The following TMEM185A variants were observed in gnomAD, a reference collection of about 807,000 sequenced individuals.
The protein encoded by TMEM185A is family with sequence similarity 11, member A.
TMEM185A carries 9 observed loss-of-function variants against 25.0 expected under a neutral mutation model. That is an observed-to-expected ratio of 0.36 (90% confidence interval 0.22 to 0.63). The LOEUF is 0.63. TMEM185A is among the 20% of genes least tolerant of loss of function. The pLI, the probability that TMEM185A is intolerant of heterozygous loss-of-function variation, is 0.68. For missense variants in TMEM185A, 103 were observed against 237.4 expected (o/e 0.43, Z 3.72); for synonymous variants, 45 against 93.5 (o/e 0.48, Z 2.99).
chrX:149,631,718 T>C lies in TMEM185A; in HGVS notation c.-138A>G, dbSNP rs868960199. On this transcript the variant is annotated 5_prime_UTR_variant, in exon 1 of 7. Coordinates refer to ENST00000600449, the MANE Select transcript of TMEM185A (RefSeq NM_032508.4). ...CTCCCGCTACTGCTGCCGTCCCCGC[T>C]GCCGTCGCCGTCGCCGTCGCCGCCG... 91 of 593,330 alleles carry C rather than the reference T, an allele frequency of 1.5e-4. 1 individual carries two copies. The highest frequency in any genetic ancestry group is 7.6e-4 in the East Asian group (14 of 18,325). 48.9% of individuals were successfully genotyped at this position (593,330 alleles called of 1,213,427 possible).
rs868970746 is a variant in TMEM185A at position 149,605,313 on chromosome X, G to A, written c.424-1243C>T. The A allele has an allele frequency of 6.1e-3, 414 of 67,424 alleles. 13 individuals carry two copies. Among genetic ancestry groups the A allele is most frequent in the African/African-American group, 0.032 (380 of 12,006 alleles). 5.6% of individuals were successfully genotyped at this position (67,424 alleles called of 1,213,427 possible). On this transcript the variant is annotated intron_variant, in intron 3 of 6. Coordinates refer to ENST00000600449, the MANE Select transcript of TMEM185A (RefSeq NM_032508.4). Reference sequence around the variant, plus strand: ...TTTCTATGGCCTCCCATGTCACTATGGCCTCCCATGTCACTTTCTATGGCC... The same window carrying A: ...TTTCTATGGCCTCCCATGTCACTATAGCCTCCCATGTCACTTTCTATGGCC...
intron 1 of TMEM185A, among the ~76,000 whole-genome samples, chrX:149,618,682 T>C (rs1237650692): frequency 8.9e-6 from 1 of 111,824 alleles, no homozygotes; most frequent in African/African-American, 3.3e-5. Flanking sequence ...TGGTATTTAA[T>C]ATTTACGATA....
At chrX:149,611,202 T>TG in intron 2 of TMEM185A, 85 bp downstream of exon 2, 1 of 880,009 alleles carries the variant, frequency 1.1e-6, no homozygotes. Context: ...GAAAATAAAA[T>TG]GGTCCTTACT....
intron 1 of TMEM185A, among the ~76,000 whole-genome samples, chrX:149,628,545 G>A (rs1365695175): frequency 8.9e-6 from 1 of 112,148 alleles, no homozygotes; most frequent in Non-Finnish European, 1.9e-5. Context: ...CTGTACATCT[G>A]AGTGTTGACA....
intron 1 of TMEM185A, among the ~76,000 whole-genome samples, chrX:149,624,851 A>G (rs782341143): frequency 8.9e-6 from 1 of 112,327 alleles, no homozygotes; most frequent in Non-Finnish European, 1.9e-5. Flanking sequence ...ACTGCCATTC[A>G]TCAGCGGTGT....
intron 1 of TMEM185A, among the ~76,000 whole-genome samples, chrX:149,614,671 A>G (rs1361993563): frequency 8.9e-6 from 1 of 111,959 alleles, no homozygotes; most frequent in Non-Finnish European, 1.9e-5. Context: ...AGAAAGTAAG[A>G]AAATTGGTAA....
chrX:149,599,430 C>T (rs2090008141), intron 6 of TMEM185A, 124 bp downstream of exon 6: 1 of 536,519 alleles, frequency 1.9e-6, no homozygotes, highest in Admixed American at 3.1e-5. Context: ...CTCACTTTCC[C>T]ACACAAGCTT....
rs2089994661 is a variant in TMEM185A, at chrX:149,597,108, A to AAGC, written c.*900_*902dup. ...AGCCACTATTCTGAGAACGTCAGAAAAGCATGGACCATCTCTTGCTTGGTG... is the reference window on the plus strand; with the variant it reads ...AGCCACTATTCTGAGAACGTCAGAAAAGCAGCATGGACCATCTCTTGCTTGGTG... On this transcript the variant is annotated 3_prime_UTR_variant, in exon 7 of 7. Coordinates refer to ENST00000600449, the MANE Select transcript of TMEM185A (RefSeq NM_032508.4). 9.6e-6 allele frequency: 1 copy of AAGC among 104,283 alleles called. No individual in the cohort carries two copies. Among genetic ancestry groups the AAGC allele is most frequent in the Non-Finnish European group, 1.9e-5 (1 of 51,513 alleles). The allele number at this position is 104,283 out of a possible 1,213,427, so 8.6% of individuals were successfully genotyped here.
intron 1 of TMEM185A, among the ~76,000 whole-genome samples, chrX:149,611,890 G>A (rs1557354544): frequency 8.9e-6 from 1 of 111,859 alleles, no homozygotes; most frequent in African/African-American, 3.3e-5. Flanking sequence ...GCTATACCAA[G>A]ACACAGAGAC....
At chrX:149,609,454 A>G (rs1569560986) in intron 2 of TMEM185A, among the ~76,000 whole-genome samples, 2 of 113,001 alleles carry the variant, frequency 1.8e-5, no homozygotes, top group Admixed American at 9.3e-5. Flanking sequence ...ATGAAAGAGA[A>G]AGAAGAACAA....
chrX:149,629,499 T>C (rs916066627), intron 1 of TMEM185A, among the ~76,000 whole-genome samples: 1 of 112,008 alleles, frequency 8.9e-6, no homozygotes, highest in African/African-American at 3.3e-5. Flanking sequence ...TTACCAATAA[T>C]ACCTGGCCAA....
At chrX:149,623,018 C>T (rs1332996853) in intron 1 of TMEM185A, among the ~76,000 whole-genome samples, 1 of 112,455 alleles carries the variant, frequency 8.9e-6, no homozygotes, top group Admixed American at 9.4e-5. Context: ...TGATCACTTA[C>T]TTGTGTTAGG....
intron 3 of TMEM185A, among the ~76,000 whole-genome samples, chrX:149,605,985 G>C (rs2090049498): frequency 8.9e-6 from 1 of 112,291 alleles, no homozygotes; most frequent in African/African-American, 3.2e-5. Context: ...CCCTAATGTG[G>C]CTGGGAATGC....
intron 3 of TMEM185A, among the ~76,000 whole-genome samples, chrX:149,607,205 G>A (rs1432540497): frequency 9.0e-6 from 1 of 111,536 alleles, no homozygotes; most frequent in Non-Finnish European, 1.9e-5. Context: ...CATACCTGGG[G>A]TCTAGGCTTA....
intron 4 of TMEM185A, 175 bp downstream of exon 4, chrX:149,603,808 CTGTT>C (rs1379954909): frequency 5.3e-6 from 2 of 374,621 alleles, no homozygotes; most frequent in South Asian, 7.8e-5. Context: ...TATATCCAAA[CTGTT>C]TGTATAAAAC....
At chrX:149,601,622 G>C (rs2090018138) in intron 4 of TMEM185A, 1 of 97,806 alleles carries the variant, frequency 1.0e-5, no homozygotes, top group Admixed American at 1.0e-4. Flanking sequence ...TCTCAGATCT[G>C]AGTGGTATTC....
chrX:149,604,555 T>C (rs2090035873), intron 3 of TMEM185A, among the ~76,000 whole-genome samples: 2 of 111,072 alleles, frequency 1.8e-5, no homozygotes, highest in Admixed American at 1.9e-4. Context: ...ACCCCACCTA[T>C]TCCATTGATC....
chrX:149,604,115 T>C (rs782312589), intron 3 of TMEM185A, 45 bp from the exon 4 acceptor site: 3 of 925,663 alleles, frequency 3.2e-6, no homozygotes, highest in African/African-American at 3.9e-5. Flanking sequence ...ATAATTTGCA[T>C]TTAATACTGC....
intron 3 of TMEM185A, among the ~76,000 whole-genome samples, chrX:149,607,768 TG>T (rs1192469066): frequency 9.0e-6 from 1 of 110,974 alleles, no homozygotes; most frequent in Non-Finnish European, 1.9e-5. Flanking sequence ...GGGTCTGAGG[TG>T]GGGAGATGGT....
Sources: gnomAD v4.1 joint callset for allele counts (sites outside exome capture counted in the v4.1 genomes callset) on GRCh38, gnomAD v4.1.1 for gene constraint, MANE v1.5 for transcripts, NCBI Gene and HGNC (gene_info 2026-07-23, HGNC 2026-07-21) for gene names.